Variants in PDLIM2 observed in about 807,000 individuals in gnomAD.
PDLIM2 encodes the protein PDZ and LIM domain protein 2.
In PDLIM2, 51 loss-of-function variants were observed where a neutral mutation model predicts 54.1. That is an observed-to-expected ratio of 0.94 (90% CI 0.75 to 1.19). The LOEUF (loss-of-function observed/expected upper bound fraction) is 1.19, where lower values mean the gene tolerates loss of function less well. PDLIM2 is among the 50% of genes most tolerant of loss of function. The probability of loss-of-function intolerance (pLI) is 0.00; values close to 1 mark genes in which losing one functional copy is unlikely to be tolerated. For missense variants in PDLIM2, 912 were observed against 874.0 expected, an observed-to-expected ratio of 1.04 and a Z score of -0.55; for synonymous variants, 398 against 385.6, an observed-to-expected ratio of 1.03 and a Z score of -0.38.
rs958248299 is a variant in PDLIM2 at position 22,593,786 on chromosome 8, C to A, written c.1685C>A (p.Thr562Asn). 6.9e-6 allele frequency: 11 copies of A among 1,605,378 alleles called. No individual in the cohort carries two copies. In the South Asian group the frequency reaches 1.1e-4, roughly 16 times the overall value. ...CGGTACCGCCACCCCGGCTGCTACA[C>A]CTGTGCCGACTGTGGGCTGAACCTG... is the stretch of plus-strand genomic sequence containing the variant. Residue 562 changes from threonine to asparagine, a missense_variant, in exon 10 of 10, where the codon ACC becomes AAC. By Grantham distance (65) the Thr-to-Asn change is moderately conservative. Coordinates refer to ENST00000308354, the Ensembl canonical transcript of PDLIM2.
chr8:22,593,577 C>CAA (rs59345957), intron 9 of PDLIM2, 156 bp from the exon 9 acceptor site: 2,408 of 389,114 alleles, frequency 6.2e-3, no homozygotes, highest in East Asian at 0.015. Context: ...AACTCCATCT[C>CAA]AAAAAAAAAA....
rs149380924 is a variant in PDLIM2, at chr8:22,585,358, G to A, written c.1249G>A (p.Ala417Thr). ...GGCATGTTCCCCGGGCCTCCCCGCT[G>A]CTGACCGCCTGTCCTACTCAGGCCG... Residue 417 changes from alanine to threonine, a missense_variant, in exon 6 of 10, where the codon GCT becomes ACT. Physicochemically the swap from Ala to Thr is moderately conservative, Grantham distance 58. Coordinates refer to ENST00000308354, the Ensembl canonical transcript of PDLIM2. The A allele has an allele frequency of 1.1e-4, 179 of 1,612,428 alleles. 2 individuals are homozygous for A. The highest frequency in any genetic ancestry group is 8.2e-4 in the Middle Eastern group (5 of 6,078).
exon 10 of PDLIM2, chr8:22,593,757 G>C (rs1274168890): frequency 1.9e-6 from 3 of 1,599,518 alleles, no homozygotes; most frequent in Non-Finnish European, 2.6e-6. Context: ...GCATCCAGGA[G>C]GGCCGGTACC....
Position 22,591,685 on chromosome 8 carries a change from G to A in PDLIM2, c.1631+17G>A, listed in dbSNP as rs1478755264. 1.3e-6 allele frequency: 2 copies of A among 1,596,820 alleles called. No homozygotes were observed. The highest frequency in any genetic ancestry group is 1.7e-6 in the Non-Finnish European group (2 of 1,169,732). On this transcript the variant is annotated intron_variant, in intron 9 of 9. Coordinates refer to ENST00000308354, the Ensembl canonical transcript of PDLIM2. The stretch of plus-strand genomic sequence containing the variant: ...CAGCATCGCGTGAGTGTGGAGGGGG[G>A]TGGGGGACCTGAGCCTTCACAGGGG...
chr8:22,581,022 A>AC, intron 2 of PDLIM2: 1 of 656,654 alleles, frequency 1.5e-6, no homozygotes, highest in Non-Finnish European at 2.9e-6. Flanking sequence ...TCTCCTCTTG[A>AC]CCTGGGCCCA....
intron 9 of PDLIM2, chr8:22,592,269 A>T (rs1312345134): frequency 2.0e-5 from 3 of 151,142 alleles, no homozygotes; most frequent in African/African-American, 7.3e-5. Flanking sequence ...TTTAGTAGAG[A>T]CGCGTTTTCC....
At chr8:22,595,825 T>C (rs1271319736), downstream of PDLIM2, 1 of 152,388 alleles carries the variant, frequency 6.6e-6, no homozygotes, top group Non-Finnish European at 1.5e-5. Context: ...GGTCTTGCTC[T>C]ATTGCCCAGG....
At chr8:22,580,365 G>C in intron 1 of PDLIM2, 110 bp from the exon 1 acceptor site, 2 of 1,030,152 alleles carry the variant, frequency 1.9e-6, no homozygotes, top group Non-Finnish European at 2.7e-6. Context: ...GTCGCTCCCT[G>C]GGCTGAAGAC....
At position 22,580,568 on chromosome 8, in the gene PDLIM2, G is replaced by A. The variant is rs766967602; in HGVS notation, c.749-35G>A. ...ACAGTGCCCCCAGAGCCGGCTAGGGGCATGGACTTCACCTCCTGGTCCTCT... is the reference window on the plus strand; with the variant it reads ...ACAGTGCCCCCAGAGCCGGCTAGGGACATGGACTTCACCTCCTGGTCCTCT... On this transcript the variant is annotated intron_variant, in intron 1 of 9. Coordinates refer to ENST00000308354, the Ensembl canonical transcript of PDLIM2. 3.7e-6 allele frequency: 6 copies of A among 1,613,484 alleles called. 1 individual carries two copies. The highest frequency in any genetic ancestry group is 2.2e-5 in the East Asian group (1 of 44,864).
chr8:22,581,317 A>C (rs900923283), intron 2 of PDLIM2, 62 bp from the exon 2 acceptor site: 3 of 1,534,322 alleles, frequency 2.0e-6, no homozygotes, highest in African/African-American at 2.7e-5. Flanking sequence ...TGGGTAGCAG[A>C]GTGGGAAGTC....
downstream of PDLIM2, chr8:22,596,552 C>T (rs1473576478): frequency 6.6e-6 from 1 of 152,256 alleles, no homozygotes; most frequent in Non-Finnish European, 1.5e-5. Flanking sequence ...TGCTCCCACT[C>T]CCTCTGCCGC....
intron 7 of PDLIM2, 32 bp from the exon 7 acceptor site, chr8:22,589,564 A>T: frequency 6.4e-7 from 1 of 1,567,236 alleles, no homozygotes; most frequent in Non-Finnish European, 8.6e-7. Context: ...CCGGCACGGG[A>T]CCCTCATTCC....
chr8:22,583,535 T>C (rs1206178761), intron 3 of PDLIM2, among the ~76,000 whole-genome samples: 3 of 152,064 alleles, frequency 2.0e-5, no homozygotes, highest in East Asian at 3.9e-4. Flanking sequence ...GGAGGCCGAG[T>C]CGGGCGGATC....
At chr8:22,589,057 C>A in intron 6 of PDLIM2, 1 of 581,502 alleles carries the variant, frequency 1.7e-6, no homozygotes. Context: ...GCCTCCCTCC[C>A]TCTCTGGACC....
intron 1 of PDLIM2, chr8:22,579,629 G>C (rs951896200): frequency 7.8e-7 from 1 of 1,277,798 alleles, no homozygotes; most frequent in Non-Finnish European, 1.0e-6. Flanking sequence ...AGGCAGCCGG[G>C]GATGGAGCGG....
chr8:22,581,282 G>A, intron 2 of PDLIM2, 97 bp from the exon 2 acceptor site: 1 of 1,478,882 alleles, frequency 6.8e-7, no homozygotes, highest in Non-Finnish European at 9.1e-7. Context: ...AGGCCGGCCT[G>A]GGTCAAGCCA....
intron 8 of PDLIM2, chr8:22,590,789 A>AAGGG (rs1800520960): frequency 6.6e-6 from 1 of 152,362 alleles, no homozygotes; most frequent in South Asian, 2.1e-4. Context: ...TGGCAATGGA[A>AAGGG]AGGGAGCAGG....
exon 10 of PDLIM2, chr8:22,593,768 G>A (rs139548931): frequency 1.7e-5 from 28 of 1,602,174 alleles, no homozygotes; most frequent in African/African-American, 4.0e-5. Flanking sequence ...GGCCGGTACC[G>A]CCACCCCGGC....
intron 2 of PDLIM2, chr8:22,580,949 CCCA>C (rs1563857979): frequency 1.5e-6 from 1 of 678,150 alleles, no homozygotes; most frequent in Admixed American, 2.1e-5. Flanking sequence ...AGTTGCTATC[CCCA>C]CACTTGCAGG....
Sources: allele counts gnomAD v4.1 joint callset (sites outside exome capture counted in the v4.1 genomes callset), GRCh38; gene constraint gnomAD v4.1.1; transcripts MANE v1.5; gene names NCBI Gene and HGNC (gene_info 2026-07-23, HGNC 2026-07-21).